Variants in ADGRG2 observed in about 807,000 individuals in gnomAD.
ADGRG2 encodes the protein adhesion G protein-coupled receptor G2.
Under a neutral mutation model 74.1 loss-of-function variants are expected in ADGRG2, and 26 were observed. The ratio of observed to expected loss-of-function variants is 0.35; its 90% CI spans 0.26 to 0.49. ADGRG2 has a LOEUF of 0.49. Among genes scored for constraint, ADGRG2 ranks in the 20% least tolerant of loss-of-function variants. ADGRG2 has a pLI of 0.99. For missense variants in ADGRG2, 619 were observed against 763.1 expected (o/e 0.81, Z 2.22); for synonymous variants, 296 against 295.2 (o/e 1.00, Z -0.03).
intron 8 of ADGRG2, chrX:19,032,755 A>G (rs1277623562): frequency 8.9e-6 from 1 of 111,776 alleles, no homozygotes; most frequent in East Asian, 2.8e-4. Context: ...AGAATATGTA[A>G]GCAAAGGGGC....
chrX:19,071,449 T>C (rs1376540906), intron 2 of ADGRG2, among the ~76,000 whole-genome samples: 1 of 112,051 alleles, frequency 8.9e-6, no homozygotes, highest in Non-Finnish European at 1.9e-5. Context: ...AAGATCTAAG[T>C]GTCTGCTACA....
chrX:19,056,670 C>T (rs1173236029), intron 3 of ADGRG2, among the ~76,000 whole-genome samples: 1 of 112,073 alleles, frequency 8.9e-6, no homozygotes, highest in African/African-American at 3.2e-5. Flanking sequence ...AAATCCTTAG[C>T]CAGCCTTTAT....
intron 20 of ADGRG2, 89 bp downstream of exon 20, chrX:19,007,146 T>C: frequency 1.0e-6 from 1 of 971,242 alleles, no homozygotes; most frequent in Non-Finnish European, 1.5e-6. Context: ...TCTTTCTGCC[T>C]GATCTGCCTT....
In ADGRG2 at chrX:19,069,548, C is replaced by G. The variant is rs367597103; in HGVS notation, c.-1-713G>C. Among the ~76,000 whole-genome samples, 4 of 110,916 alleles carry G rather than the reference C, an allele frequency of 3.6e-5. No individual in the cohort carries two copies. The East Asian group carries it at 1.1e-3, about 32-fold the overall frequency. The stretch of plus-strand genomic sequence containing the variant: ...TCTCATTTCCCTGCCCGAATGTTGC[C>G]TTTTCCAAAACCACCCTGGCCTGCC... On this transcript the variant is annotated intron_variant, in intron 2 of 28. Coordinates refer to ENST00000379869, the MANE Select transcript of ADGRG2 (RefSeq NM_001079858.3).
At chrX:19,109,060 G>A (rs1244997839) in intron 1 of ADGRG2, among the ~76,000 whole-genome samples, 1 of 110,255 alleles carries the variant, frequency 9.1e-6, no homozygotes, top group African/African-American at 3.3e-5. Context: ...GAAGAAGAAA[G>A]AAGAAGGAAG....
At chrX:19,068,983 G>T in intron 2 of ADGRG2, 148 bp from the exon 3 acceptor site, 1 of 338,852 alleles carries the variant, frequency 3.0e-6, no homozygotes, top group Non-Finnish European at 5.3e-6. Context: ...ACGCCAGTTG[G>T]GCACTGGTGA....
chrX:19,039,227 G>C (rs1019417185), intron 4 of ADGRG2: 1 of 331,100 alleles, frequency 3.0e-6, no homozygotes, highest in Non-Finnish European at 5.9e-6. Flanking sequence ...TCTGGCTCCA[G>C]AGAATGTGTG....
chrX:19,039,361 G>T (rs750506629), intron 4 of ADGRG2: 8 of 325,964 alleles, frequency 2.5e-5, no homozygotes, highest in Admixed American at 1.6e-4. Context: ...ACATAGTAGT[G>T]CATGAGAAGT....
chrX:19,072,526 C>G (rs1223037372), intron 2 of ADGRG2, among the ~76,000 whole-genome samples: 2 of 111,777 alleles, frequency 1.8e-5, no homozygotes, highest in Non-Finnish European at 3.8e-5. Flanking sequence ...TGATCAAAGG[C>G]AAATTCGTGT....
At chrX:19,043,696 C>T (rs746076585) in intron 3 of ADGRG2, among the ~76,000 whole-genome samples, 47 of 108,807 alleles carry the variant, frequency 4.3e-4, no homozygotes, top group South Asian at 8.1e-4. Flanking sequence ...TGGAGCCAGA[C>T]GAACTGGAAA....
In ADGRG2 at chrX:19,000,292, CG is replaced by C. The variant is rs746596366; in HGVS notation, c.2231-333del. On this transcript the variant is annotated intron_variant, in intron 24 of 28. Coordinates refer to ENST00000379869, the MANE Select transcript of ADGRG2 (RefSeq NM_001079858.3). ...GATTGCAGGCGTGAGCCACCGCACC[CG>C]GCTGGTCACACCTAGTTCTAATAAC... Among the ~76,000 whole-genome samples the C allele has an allele frequency of 2.2e-3, 241 of 111,971 alleles. 1 individual carries two copies. Among genetic ancestry groups the C allele is most frequent in the Admixed American group, 0.021 (228 of 10,606 alleles).
chrX:19,120,390 T>TA (rs2062590693), intron 1 of ADGRG2, among the ~76,000 whole-genome samples: 1 of 112,345 alleles, frequency 8.9e-6, no homozygotes, highest in Non-Finnish European at 1.9e-5. Flanking sequence ...ATATCAAACT[T>TA]AATTGTATTG....
At chrX:19,088,859 C>T (rs2061972436) in intron 1 of ADGRG2, among the ~76,000 whole-genome samples, 1 of 112,048 alleles carries the variant, frequency 8.9e-6, no homozygotes, top group Non-Finnish European at 1.9e-5. Context: ...TGGGTCTCAC[C>T]AAGTAGTAAG....
chrX:19,095,829 C>T (rs1302797633), intron 1 of ADGRG2, among the ~76,000 whole-genome samples: 2 of 110,049 alleles, frequency 1.8e-5, no homozygotes, highest in African/African-American at 6.6e-5. Context: ...GCCTGGGCAA[C>T]ATAGTGAGAC....
At chrX:19,007,565 C>T (rs887805168) in intron 19 of ADGRG2, among the ~76,000 whole-genome samples, 9 of 112,111 alleles carry the variant, frequency 8.0e-5, no homozygotes, top group South Asian at 7.4e-4. Context: ...TGAGCTAAAG[C>T]GCACAGATTG....
intron 3 of ADGRG2, among the ~76,000 whole-genome samples, chrX:19,064,914 A>G (rs1366058392): frequency 9.0e-6 from 1 of 111,327 alleles, no homozygotes; most frequent in Admixed American, 9.6e-5. Context: ...CTTTAAATGA[A>G]TTAGCCATTT....
At position 19,010,601 on chromosome X, in the gene ADGRG2, G is replaced by T. The variant is rs926006921; in HGVS notation, c.1265+12C>A. ...TCCCCTCTTACCACCACTTCAGTTT[G>T]CGAAGTCGTACCTTTGAGCCAGAGG... On this transcript the variant is annotated intron_variant, in intron 17 of 28. Coordinates refer to ENST00000379869, the MANE Select transcript of ADGRG2 (RefSeq NM_001079858.3). 1 of 1,193,303 alleles carries T rather than the reference G, an allele frequency of 8.4e-7. No individual in the cohort carries two copies. The highest frequency in any genetic ancestry group is 1.1e-6 in the Non-Finnish European group (1 of 883,459).
rs779999050 is a variant in ADGRG2, at chrX:19,003,027, C to T, written c.2049G>A (p.Ser683=). 6.7e-6 allele frequency: 8 copies of T among 1,200,106 alleles called. No homozygotes were observed. The Admixed American group carries it at 8.8e-5, about 13-fold the overall frequency. The change falls in exon 24 of 29, where the codon TCG becomes TCA. Residue 683 remains serine (S), a synonymous_variant. Transcript: ENST00000379869. ...LLLNLVFLLD[S]WIALYKMQGL... ...CTTGCATCTTATACAGAGCAATCCA[C>T]GAGTCCAGGAGGAAGACCAGGTTCA...
chrX:19,074,100 C>T (rs186564206), intron 2 of ADGRG2, among the ~76,000 whole-genome samples: 3 of 109,811 alleles, frequency 2.7e-5, no homozygotes, highest in Admixed American at 9.7e-5. Context: ...TCAATGACTT[C>T]GATACAGGAA....
Sources: gnomAD v4.1 joint callset for allele counts (sites outside exome capture counted in the v4.1 genomes callset) on GRCh38, gnomAD v4.1.1 for gene constraint, MANE v1.5 for transcripts, NCBI Gene and HGNC (gene_info 2026-07-23, HGNC 2026-07-21) for gene names.